PDZRN3: variants seen among roughly 807,000 people sequenced by gnomAD.
PDZRN3 encodes the protein PDZ domain containing ring finger 3.
In PDZRN3, 38 loss-of-function variants were observed where a neutral mutation model predicts 85.7. That is an observed-to-expected ratio of 0.44 (90% confidence interval 0.34 to 0.58). The LOEUF (loss-of-function observed/expected upper bound fraction) is 0.58. Among genes scored for constraint, PDZRN3 ranks in the 20% least tolerant of loss-of-function variants. The pLI is 0.01. For synonymous variants in PDZRN3, 759 were observed against 638.0 expected, an observed-to-expected ratio of 1.19 and a Z score of -2.86; for missense variants, 1,629 against 1,506.4, an observed-to-expected ratio of 1.08 and a Z score of -1.35.
intron 1 of PDZRN3, among the ~76,000 whole-genome samples, chr3:73,616,527 C>T (rs941459560): frequency 6.6e-6 from 1 of 152,172 alleles, no homozygotes; most frequent in African/African-American, 2.4e-5. Context: ...CTCTTTCACA[C>T]ATTTCCACCA....
At chr3:73,485,238 C>G (rs1239796925) in intron 3 of PDZRN3, among the ~76,000 whole-genome samples, 3 of 151,636 alleles carry the variant, frequency 2.0e-5, no homozygotes, top group Non-Finnish European at 4.4e-5. Context: ...AGAAAAAAAT[C>G]TGACATACAG....
In PDZRN3 at chr3:73,571,116, T is replaced by C. The variant is rs954752233; in HGVS notation, c.918+31238A>G. Among the ~76,000 whole-genome samples, 5 of 152,220 alleles carry C rather than the reference T, an allele frequency of 3.3e-5. No individual in the cohort carries two copies. In the East Asian group the frequency reaches 9.6e-4, roughly 29 times the overall value. On this transcript the variant is annotated intron_variant, in intron 3 of 9. Transcript: ENST00000263666. ...TACAAAAATCTACCTTAACTATGGT[T>C]TTCCTCCAAATGAGATTAAAACATT...
intron 3 of PDZRN3, among the ~76,000 whole-genome samples, chr3:73,585,721 C>T (rs534183036): frequency 6.6e-6 from 1 of 152,320 alleles, no homozygotes; most frequent in South Asian, 2.1e-4. Context: ...AAATGGCACA[C>T]TCAAAATAGG....
intron 3 of PDZRN3, among the ~76,000 whole-genome samples, chr3:73,460,825 G>A (rs558653841): frequency 3.3e-5 from 5 of 151,950 alleles, no homozygotes; most frequent in South Asian, 2.1e-4. Flanking sequence ...TGGGAGTCTC[G>A]TTCTGTTGCC....
At chr3:73,571,535 G>C (rs1702046172) in intron 3 of PDZRN3, among the ~76,000 whole-genome samples, 1 of 152,302 alleles carries the variant, frequency 6.6e-6, no homozygotes, top group Middle Eastern at 3.4e-3. Flanking sequence ...TCTAAAGCAA[G>C]GGTAAAATCC....
intron 3 of PDZRN3, among the ~76,000 whole-genome samples, chr3:73,581,490 T>C (rs1218689551): frequency 2.0e-5 from 3 of 152,220 alleles, no homozygotes; most frequent in Admixed American, 6.5e-5. Context: ...GAAAATACAA[T>C]TTTAAAAACT....
chr3:73,620,579 T>TTG (rs1456999902), intron 1 of PDZRN3, among the ~76,000 whole-genome samples: 17 of 83,330 alleles, frequency 2.0e-4, no homozygotes, highest in African/African-American at 6.6e-4. Flanking sequence ...TGGGTTTTTT[T>TTG]TGTTTTTTTT....
intron 3 of PDZRN3, among the ~76,000 whole-genome samples, chr3:73,499,116 C>T (rs1281289111): frequency 3.9e-5 from 6 of 152,130 alleles, no homozygotes; most frequent in South Asian, 2.1e-4. Context: ...TCTTATGCTC[C>T]GTAATCACTC....
chr3:73,616,874 G>C (rs946371007), intron 1 of PDZRN3, among the ~76,000 whole-genome samples: 1 of 152,072 alleles, frequency 6.6e-6, no homozygotes. Context: ...GAGCCTCCCA[G>C]GGGCCCTCAA....
intron 3 of PDZRN3, among the ~76,000 whole-genome samples, chr3:73,600,417 TA>T (rs1179900958): frequency 6.7e-6 from 1 of 148,988 alleles, no homozygotes; most frequent in Non-Finnish European, 1.5e-5. Context: ...GCAGATGAGG[TA>T]AACCAGAGAA....
intron 3 of PDZRN3, among the ~76,000 whole-genome samples, chr3:73,580,600 A>G (rs1402007682): frequency 1.3e-5 from 2 of 152,204 alleles, no homozygotes; most frequent in Non-Finnish European, 2.9e-5. Flanking sequence ...TGGGAACTTG[A>G]CATAAAGAGG....
chr3:73,502,523 C>T (rs1051220409), intron 3 of PDZRN3, among the ~76,000 whole-genome samples: 18 of 152,170 alleles, frequency 1.2e-4, no homozygotes, highest in Admixed American at 4.6e-4. Flanking sequence ...TAACATTTAT[C>T]TTTCTGAGTT....
Position 73,387,960 on chromosome 3 carries a change from C to T in PDZRN3, c.1518+8G>A, listed in dbSNP as rs750353566. On this transcript the variant is annotated splice_region_variant and intron_variant, in intron 8 of 9. Transcript: ENST00000263666. ...AGACCCAGTTTCATCTGTAGGAAGC[C>T]AATTTACCTGGAGTTCAGGCCTTGC... 3.2e-5 allele frequency: 45 copies of T among 1,386,012 alleles called. No homozygotes were observed. Among genetic ancestry groups the T allele is most frequent in the Non-Finnish European group, 3.9e-5 (39 of 987,700 alleles). 85.9% of individuals were successfully genotyped at this position (1,386,012 alleles called of 1,614,324 possible).
intron 3 of PDZRN3, among the ~76,000 whole-genome samples, chr3:73,491,142 C>T (rs3213823): frequency 3.3e-5 from 5 of 151,600 alleles, no homozygotes; most frequent in Non-Finnish European, 7.4e-5. Context: ...CCTTGTACCA[C>T]GCAAGCTCCT....
intron 3 of PDZRN3, among the ~76,000 whole-genome samples, chr3:73,506,134 G>A (rs1704066453): frequency 6.6e-6 from 1 of 152,168 alleles, no homozygotes; most frequent in Non-Finnish European, 1.5e-5. Flanking sequence ...GATATCCTCA[G>A]AACAATTTCA....
chr3:73,438,545 G>A (rs1299819248), intron 3 of PDZRN3, among the ~76,000 whole-genome samples: 1 of 152,216 alleles, frequency 6.6e-6, no homozygotes, highest in African/African-American at 2.4e-5. Context: ...GACTGAGGAG[G>A]AAACAGGTCT....
chr3:73,522,865 T>C (rs1038635041), intron 3 of PDZRN3, among the ~76,000 whole-genome samples: 10 of 152,184 alleles, frequency 6.6e-5, no homozygotes, highest in Non-Finnish European at 1.0e-4. Context: ...TATGACAAAA[T>C]TGGAATTACT....
intron 3 of PDZRN3, among the ~76,000 whole-genome samples, chr3:73,554,471 T>C (rs939999142): frequency 6.6e-6 from 1 of 152,022 alleles, no homozygotes; most frequent in Non-Finnish European, 1.5e-5. Context: ...GACATCATCA[T>C]CATCATCACT....
Position 73,384,445 on chromosome 3 carries a change from C to G in PDZRN3, c.2121G>C (p.Lys707Asn), listed in dbSNP as rs1343155071. The change falls in exon 10 of 10, where the codon AAG (lysine) becomes AAC (asparagine). Residue 707 changes from lysine (K) to asparagine (N), a missense_variant. By Grantham distance (94) the Lys-to-Asn change is moderately conservative (BLOSUM62 0). Coordinates refer to ENST00000263666, the MANE Select transcript of PDZRN3 (RefSeq NM_015009.3). ...LECLSIVRAH[K>N]MQQLKEQYRE... ...GGTACTGCTCCTTGAGCTGCTGCAT[C>G]TTGTGGGCGCGCACGATGCTCAGGC... 1 of 1,612,176 alleles carries G rather than the reference C, an allele frequency of 6.2e-7. No homozygotes were observed. The highest frequency in any genetic ancestry group is 8.5e-7 in the Non-Finnish European group (1 of 1,180,026).
Sources: gnomAD v4.1 joint callset for allele counts (sites outside exome capture counted in the v4.1 genomes callset) on GRCh38, gnomAD v4.1.1 for gene constraint, MANE v1.5 for transcripts, NCBI Gene and HGNC (gene_info 2026-07-23, HGNC 2026-07-21) for gene names.